The following NEK7 variants were observed in gnomAD, a reference collection of about 807,000 sequenced individuals.
NEK7 encodes serine/threonine-protein kinase Nek7.
Under a neutral mutation model 44.6 loss-of-function variants are expected in NEK7, and 18 were observed. The observed-to-expected ratio is 0.40, with a 90% confidence interval of 0.28 to 0.60. The LOEUF is 0.60. Ranked by LOEUF, NEK7 falls within the 20% of genes least tolerant of loss-of-function variation. NEK7 has a pLI of 0.38. For synonymous variants in NEK7, 130 were observed against 121.1 expected (o/e 1.07, Z -0.48); for missense variants, 256 against 366.5 (o/e 0.70, Z 2.46).
chr1:198,212,010 G>C (rs1665787967), intron 1 of NEK7, among the ~76,000 whole-genome samples: 1 of 152,220 alleles, frequency 6.6e-6, no homozygotes, highest in African/African-American at 2.4e-5. Flanking sequence ...GATGAACTGA[G>C]CAATGGGAAG....
At chr1:198,221,212 G>C (rs1489365403) in intron 1 of NEK7, 1 of 151,914 alleles carries the variant, frequency 6.6e-6, no homozygotes, top group African/African-American at 2.4e-5. Context: ...AGCATAAAGA[G>C]GAAGTCTATT....
intron 2 of NEK7, among the ~76,000 whole-genome samples, chr1:198,246,994 T>G (rs1013993192): frequency 6.6e-6 from 1 of 152,174 alleles, no homozygotes; most frequent in Non-Finnish European, 1.5e-5. Context: ...AACAAAACCT[T>G]TATTTAAAGT....
intron 2 of NEK7, among the ~76,000 whole-genome samples, chr1:198,240,952 C>G (rs1666669066): frequency 6.6e-6 from 1 of 152,198 alleles, no homozygotes; most frequent in Admixed American, 6.5e-5. Flanking sequence ...CTTGGCCTCC[C>G]AAAGCACTGG....
intron 1 of NEK7, among the ~76,000 whole-genome samples, chr1:198,208,075 G>T (rs1007466817): frequency 6.6e-5 from 10 of 152,042 alleles, no homozygotes; most frequent in Non-Finnish European, 1.5e-4. Context: ...AATTAAATTT[G>T]CCCTGTTGCC....
chr1:198,193,609 C>T (rs1665141585), intron 1 of NEK7, among the ~76,000 whole-genome samples: 1 of 152,164 alleles, frequency 6.6e-6, no homozygotes, highest in Admixed American at 6.5e-5. Context: ...AGCTTATCCA[C>T]CATGATCAAG....
At chr1:198,282,569 G>A (rs1014618310) in intron 7 of NEK7, among the ~76,000 whole-genome samples, 1 of 152,066 alleles carries the variant, frequency 6.6e-6, no homozygotes, top group Non-Finnish European at 1.5e-5. Context: ...AACTAGAAAT[G>A]CAGGTAATAA....
At chr1:198,240,946 G>A (rs566588972) in intron 2 of NEK7, among the ~76,000 whole-genome samples, 1 of 152,288 alleles carries the variant, frequency 6.6e-6, no homozygotes, top group South Asian at 2.1e-4. Flanking sequence ...ACCCGCCTTG[G>A]CCTCCCAAAG....
chr1:198,224,268 A>G (rs188540466), intron 1 of NEK7, among the ~76,000 whole-genome samples: 49 of 151,648 alleles, frequency 3.2e-4, no homozygotes, highest in East Asian at 2.1e-3. Context: ...AGTGCAATGC[A>G]TTACCTTTTC....
chr1:198,173,378 A>G (rs1398268144), intron 1 of NEK7, among the ~76,000 whole-genome samples: 1 of 150,832 alleles, frequency 6.6e-6, no homozygotes. Flanking sequence ...ATAGTGAGCT[A>G]TGATTGTGCC....
At chr1:198,203,365 T>C (rs1021105414) in intron 1 of NEK7, among the ~76,000 whole-genome samples, 1 of 152,200 alleles carries the variant, frequency 6.6e-6, no homozygotes, top group African/African-American at 2.4e-5. Flanking sequence ...AAAAAGTAGA[T>C]TTTGAATGAA....
chr1:198,317,226 T>C (rs1267228515), intron 9 of NEK7, among the ~76,000 whole-genome samples: 1 of 152,168 alleles, frequency 6.6e-6, no homozygotes, highest in Non-Finnish European at 1.5e-5. Flanking sequence ...CACTTCGTAT[T>C]TGGTGGAGAT....
chr1:198,203,439 A>G (rs973303434), intron 1 of NEK7, among the ~76,000 whole-genome samples: 15 of 152,244 alleles, frequency 9.9e-5, no homozygotes, highest in Admixed American at 6.5e-4. Context: ...CTTTATCTTC[A>G]TTGCTCATGG....
intron 2 of NEK7, among the ~76,000 whole-genome samples, chr1:198,234,341 TATG>T (rs1449000473): frequency 6.6e-6 from 1 of 152,146 alleles, no homozygotes; most frequent in East Asian, 1.9e-4. Context: ...ATATTTATGT[TATG>T]ATCATAAATT....
intron 1 of NEK7, among the ~76,000 whole-genome samples, chr1:198,192,564 T>A (rs1042938694): frequency 1.3e-5 from 2 of 151,916 alleles, no homozygotes; most frequent in African/African-American, 2.4e-5. Context: ...GAGGGGAAGA[T>A]GTGTAGTACT....
intron 1 of NEK7, 110 bp from the exon 2 acceptor site, chr1:198,232,443 T>C: frequency 1.7e-6 from 1 of 574,146 alleles, no homozygotes; most frequent in South Asian, 2.2e-5. Flanking sequence ...CAGTGAATTT[T>C]TGAAGCATCA....
intron 1 of NEK7, among the ~76,000 whole-genome samples, chr1:198,169,143 G>C (rs1227808308): frequency 6.6e-6 from 1 of 152,144 alleles, no homozygotes; most frequent in African/African-American, 2.4e-5. Flanking sequence ...ACATTGTTTT[G>C]AGTGTTTGGT....
In NEK7 at chr1:198,197,901, C is replaced by T. The variant is rs61745267; in HGVS notation, c.-28-34652C>T. ...TTCTTGTCCTCTATCACTCCTAGTC[C>T]GAACATGCCAGGAGCCAAGGGATTC... On this transcript the variant is annotated intron_variant, in intron 1 of 9. Transcript: ENST00000367385. 3.3e-5 allele frequency: 41 copies of T among 1,248,672 alleles called. 1 individual carries two copies. The highest frequency in any genetic ancestry group is 2.7e-4 in the African/African-American group (18 of 67,788). 77.3% of individuals were successfully genotyped at this position (1,248,672 alleles called of 1,614,324 possible). A position where few individuals can be genotyped will look rare whatever the true frequency, so the allele number is the denominator to read the frequency against.
chr1:198,278,746 A>G (rs566634372), intron 6 of NEK7, among the ~76,000 whole-genome samples: 7 of 151,928 alleles, frequency 4.6e-5, no homozygotes, highest in Admixed American at 4.6e-4. Context: ...TCATCATGCT[A>G]CATTGATGAT....
At chr1:198,315,096 C>T (rs558767042) in intron 9 of NEK7, among the ~76,000 whole-genome samples, 1 of 152,192 alleles carries the variant, frequency 6.6e-6, no homozygotes, top group Non-Finnish European at 1.5e-5. Flanking sequence ...ACTCCATGGG[C>T]GTAGGACCCT....
Sources: allele counts gnomAD v4.1 joint callset (sites outside exome capture counted in the v4.1 genomes callset), GRCh38; gene constraint gnomAD v4.1.1; transcripts MANE v1.5; gene names NCBI Gene and HGNC (gene_info 2026-07-23, HGNC 2026-07-21).